The following MMP24 variants were observed in gnomAD, a reference collection of about 807,000 sequenced individuals.
The protein encoded by MMP24 is matrix metallopeptidase 24.
MMP24 carries 25 observed loss-of-function variants against 62.8 expected under a neutral mutation model. The ratio of observed to expected loss-of-function variants is 0.40; its 90% confidence interval spans 0.29 to 0.56. MMP24 has a LOEUF of 0.56. Among genes scored for constraint, MMP24 ranks in the 20% least tolerant of loss-of-function variants. The pLI, the probability that MMP24 is intolerant of heterozygous loss-of-function variation, is 0.50. For missense variants in MMP24, 634 were observed against 853.6 expected (o/e 0.74, Z 3.21); for synonymous variants, 319 against 350.5 (o/e 0.91, Z 1.00).
chr20:35,256,147 T>C (rs1028755405), intron 4 of MMP24: 5 of 152,262 alleles, frequency 3.3e-5, no homozygotes, highest in African/African-American at 7.2e-5. Flanking sequence ...TATCTATTAA[T>C]ACATTATAAT....
Position 35,226,864 on chromosome 20 carries a change from G to A in MMP24, c.126G>A (p.Ala42=), listed in dbSNP as rs2060415378. 3 of 979,300 alleles carry A rather than the reference G, an allele frequency of 3.1e-6. No individual in the cohort carries two copies. The highest frequency in any genetic ancestry group is 9.1e-5 in the South Asian group (2 of 22,064). 60.7% of individuals were successfully genotyped at this position (979,300 alleles called of 1,614,324 possible). A position where few individuals can be genotyped will look rare whatever the true frequency, so the allele number is the denominator to read the frequency against. ...GGCTGCTGCTGCTGCTGCTGCCCGC[G>A]CTCTGCTGCCTCCCGGGCGCCGCGC... ...PGRLLLLLLP[A]LCCLPGAARA... Residue 42 remains alanine, a synonymous_variant, in exon 1 of 9, where the codon GCG becomes GCA. Transcript: ENST00000246186.
intron 5 of MMP24, 43 bp from the exon 6 acceptor site, chr20:35,267,162 G>A: frequency 5.4e-6 from 8 of 1,490,344 alleles, no homozygotes; most frequent in Non-Finnish European, 7.3e-6. Context: ...ATGGGAGGCG[G>A]GAAACGGCTG....
At chr20:35,242,002 T>C (rs1161367132) in intron 1 of MMP24, among the ~76,000 whole-genome samples, 9 of 152,210 alleles carry the variant, frequency 5.9e-5, no homozygotes, top group Non-Finnish European at 1.3e-4. Context: ...TTTAGGTTTG[T>C]ACCACACCTC....
chr20:35,245,095 T>C (rs1482226465), intron 1 of MMP24, among the ~76,000 whole-genome samples: 2 of 152,156 alleles, frequency 1.3e-5, no homozygotes, highest in African/African-American at 2.4e-5. Flanking sequence ...GGCATGATCA[T>C]GTCTCACTAC....
At chr20:35,251,345 G>C (rs766381663) in intron 2 of MMP24, among the ~76,000 whole-genome samples, 1 of 151,750 alleles carries the variant, frequency 6.6e-6, no homozygotes. Context: ...GGCTGGTCTC[G>C]AACTCCTGAC....
intron 2 of MMP24, among the ~76,000 whole-genome samples, chr20:35,251,308 A>G (rs562161450): frequency 6.6e-6 from 1 of 151,530 alleles, no homozygotes; most frequent in East Asian, 1.9e-4. Flanking sequence ...TATTTTTAGT[A>G]CAGATGGGGT....
intron 3 of MMP24, among the ~76,000 whole-genome samples, chr20:35,254,111 C>T (rs921876879): frequency 1.3e-5 from 2 of 152,144 alleles, no homozygotes; most frequent in Non-Finnish European, 2.9e-5. Flanking sequence ...TCATGTGGTC[C>T]GCCAGCCTCG....
At chr20:35,263,114 T>A (rs559463786) in intron 4 of MMP24, 1 of 152,838 alleles carries the variant, frequency 6.5e-6, no homozygotes, top group Non-Finnish European at 1.5e-5. Flanking sequence ...GACCCCAGCA[T>A]CCAAACAGAT....
At position 35,274,393 on chromosome 20, in the gene MMP24, G is replaced by A. The variant is rs370507414; in HGVS notation, c.1722G>A (p.Val574=). The A allele has an allele frequency of 1.2e-6, 2 of 1,613,934 alleles. No individual in the cohort carries two copies. Among genetic ancestry groups the A allele is most frequent in the Non-Finnish European group, 1.7e-6 (2 of 1,179,824 alleles). The change falls in exon 9 of 9, where the codon GTG becomes GTA. Residue 574 remains valine, a synonymous_variant. Transcript: ENST00000246186. The surrounding 1 kb of genome is among the most constrained non-coding windows in gnomAD (Gnocchi z 5.1). ...RDWMGCNQKE[V]ERRKERRLPQ... is the part of the protein sequence containing the mutation. Reference sequence around the variant, plus strand: ...GGATGGGCTGCAACCAGAAGGAGGTGGAGCGGCGGAAGGAGCGGCGGCTGC... The same window carrying A: ...GGATGGGCTGCAACCAGAAGGAGGTAGAGCGGCGGAAGGAGCGGCGGCTGC...
Position 35,269,926 on chromosome 20 carries a change from T to C in MMP24, c.1333+28T>C, listed in dbSNP as rs1451899555. The C allele has an allele frequency of 6.4e-7, 1 of 1,551,160 alleles. No homozygotes were observed. Reference sequence around the variant, plus strand: ...AATGTAGACTGTGCTGTGGGACAGTTCCCTGCCCAAGGTCTTGGGACCTCC... The same window carrying C: ...AATGTAGACTGTGCTGTGGGACAGTCCCCTGCCCAAGGTCTTGGGACCTCC... On this transcript the variant is annotated intron_variant, in intron 7 of 8. Transcript: ENST00000246186. This position sits in a 1 kb window ranked among gnomAD's most constrained non-coding sequence, Gnocchi z 4.6.
intron 6 of MMP24, 29 bp downstream of exon 6, chr20:35,267,448 CT>C (rs1233543544): frequency 1.9e-6 from 3 of 1,540,212 alleles, no homozygotes; most frequent in African/African-American, 2.7e-5. Context: ...CACCACCCAG[CT>C]GGCCCCTGAC....
At chr20:35,256,794 G>C (rs1435526275) in intron 4 of MMP24, among the ~76,000 whole-genome samples, 1 of 151,636 alleles carries the variant, frequency 6.6e-6, no homozygotes, top group Non-Finnish European at 1.5e-5. Flanking sequence ...CTGGGTCCGG[G>C]GTAGGGCCTG....
At chr20:35,259,556 TG>T (rs1377178138) in intron 4 of MMP24, among the ~76,000 whole-genome samples, 5 of 152,170 alleles carry the variant, frequency 3.3e-5, no homozygotes, top group Non-Finnish European at 5.9e-5. Context: ...GAAGGCTTCC[TG>T]GAAGACAGGC....
rs1362754535 is a variant in MMP24 at position 35,226,697 on chromosome 20, G to GGCCGGGCGCGTGTCCGCGGCGCCGTGACT, written c.-42_-41insGCCGGGCGCGTGTCCGCGGCGCCGTGACT. 52 of 435,222 alleles carry GGCCGGGCGCGTGTCCGCGGCGCCGTGACT rather than the reference G, an allele frequency of 1.2e-4. No homozygotes were observed. The highest frequency in any genetic ancestry group is 1.1e-3 in the African/African-American group (50 of 44,938). The allele number at this position is 435,222 out of a possible 1,614,324, so 27.0% of individuals were successfully genotyped here. A position where few individuals can be genotyped will look rare whatever the true frequency, so the allele number is the denominator to read the frequency against. ...GCTGGCGGCCGAGGCGGCGGCGGCG[G>GGCCGGGCGCGTGTCCGCGGCGCCGTGACT]CGGCGAAGGCAGGCGGGCCGGGCGC... On this transcript the variant is annotated 5_prime_UTR_variant, in exon 1 of 9. Coordinates refer to ENST00000246186, the MANE Select transcript of MMP24 (RefSeq NM_006690.4).
In MMP24 at chr20:35,270,559, G is replaced by T. The variant is rs1003275617; in HGVS notation, c.1333+661G>T. Among the ~76,000 whole-genome samples, 22 of 152,372 alleles carry T rather than the reference G, an allele frequency of 1.4e-4. No individual in the cohort carries two copies. In the East Asian group the frequency reaches 4.2e-3, roughly 29 times the overall value. ...GGTCTTGATCCATTAGGCCAAGGCT[G>T]GAAATTCATGGAATGTTTCCGAGCA... On this transcript the variant is annotated intron_variant, in intron 7 of 8. Coordinates refer to ENST00000246186, the MANE Select transcript of MMP24 (RefSeq NM_006690.4).
intron 8 of MMP24, among the ~76,000 whole-genome samples, chr20:35,272,897 T>C (rs1297640164): frequency 6.6e-6 from 1 of 152,226 alleles, no homozygotes; most frequent in Non-Finnish European, 1.5e-5. Context: ...ACAAATTATG[T>C]AGCATACTTA....
intron 3 of MMP24, among the ~76,000 whole-genome samples, chr20:35,252,598 A>C (rs1397128895): frequency 6.6e-6 from 1 of 152,226 alleles, no homozygotes; most frequent in African/African-American, 2.4e-5. Flanking sequence ...TTGTTTCTTA[A>C]GGAGTATAAA....
chr20:35,259,242 G>A (rs2060590572), intron 4 of MMP24, among the ~76,000 whole-genome samples: 3 of 152,154 alleles, frequency 2.0e-5, no homozygotes, highest in Admixed American at 2.0e-4. Flanking sequence ...TTTGGAAAGT[G>A]GCAGAGCCAG....
intron 5 of MMP24, among the ~76,000 whole-genome samples, chr20:35,265,137 G>A (rs1264714142): frequency 6.6e-6 from 1 of 152,216 alleles, no homozygotes; most frequent in Non-Finnish European, 1.5e-5. Context: ...TGCCCCCAGG[G>A]TTTCCAGCTT....
Sources: gnomAD v4.1 joint callset for allele counts (sites outside exome capture counted in the v4.1 genomes callset) on GRCh38, gnomAD v4.1.1 for gene constraint, Gnocchi (gnomAD v3.1) non-coding constraint, MANE v1.5 for transcripts, NCBI Gene and HGNC (gene_info 2026-07-23, HGNC 2026-07-21) for gene names.